The following NIN variants were observed in gnomAD, a reference collection of about 807,000 sequenced individuals.
NIN encodes the protein ninein, also known as glycogen synthase kinase 3 beta-interacting protein.
A neutral mutation model predicts 257.6 loss-of-function variants in NIN; 137 were observed. The observed-to-expected ratio is 0.53, with a 90% CI of 0.46 to 0.61. The LOEUF is 0.61. Among genes scored for constraint, NIN ranks in the 20% least tolerant of loss-of-function variants. The pLI is 0.00. For synonymous variants in NIN, 918 were observed against 919.8 expected (o/e 1.00, Z 0.04); for missense variants, 2,439 against 2,501.2 (o/e 0.98, Z 0.53).
Position 50,723,418 on chromosome 14 carries a change from C to T in NIN, c.*45G>A. 6.6e-7 allele frequency: 1 copy of T among 1,507,342 alleles called. No individual in the cohort carries two copies. Among genetic ancestry groups the T allele is most frequent in the Non-Finnish European group, 9.2e-7 (1 of 1,088,046 alleles). The allele number at this position is 1,507,342 out of a possible 1,614,324, so 93.4% of individuals were successfully genotyped here. ...GTTGAGAACCTACTGAAATGTTCAT[C>T]TATTTCAGTAAAGTGCACAAATATG... On this transcript the variant is annotated 3_prime_UTR_variant, in exon 31 of 31. Coordinates refer to ENST00000530997, the MANE Select transcript of NIN (RefSeq NM_020921.4).
At position 50,726,012 on chromosome 14, in the gene NIN, G is replaced by T; in HGVS notation, c.6133C>A (p.Gln2045Lys). The T allele has an allele frequency of 1.2e-6, 2 of 1,614,036 alleles. No individual in the cohort carries two copies. Among genetic ancestry groups the T allele is most frequent in the Non-Finnish European group, 1.7e-6 (2 of 1,179,940 alleles). ...AGCCTTTTCACTAGTTTCAGTTTCT[G>T]TTCAACTTCTATCATTCGTTCCTCC... ...VMEERMIEVE[Q>K]KLKLVKRLLQ... The change falls in exon 30 of 31, where the codon CAG (glutamine) becomes AAG (lysine). Residue 2045 changes from glutamine (Q) to lysine (K), a missense_variant. Physicochemically the swap from Gln to Lys is moderately conservative, Grantham distance 53. Coordinates refer to ENST00000530997, the MANE Select transcript of NIN (RefSeq NM_020921.4).
chr14:50,812,746 C>T (rs1172249556), intron 3 of NIN, among the ~76,000 whole-genome samples: 3 of 152,068 alleles, frequency 2.0e-5, no homozygotes, highest in Non-Finnish European at 2.9e-5. Context: ...TAAAGGTCTC[C>T]GAAATTTATT....
chr14:50,767,442 A>C (rs8012283), intron 12 of NIN, among the ~76,000 whole-genome samples: 1 of 152,106 alleles, frequency 6.6e-6, no homozygotes, highest in African/African-American at 2.4e-5. Flanking sequence ...TCAATACATA[A>C]TATTGACAAA....
intron 12 of NIN, among the ~76,000 whole-genome samples, chr14:50,767,965 T>C (rs1353520726): frequency 2.6e-5 from 4 of 151,866 alleles, no homozygotes; most frequent in Admixed American, 6.6e-5. Context: ...TATATTATAA[T>C]AACACATCAA....
chr14:50,829,681 A>T (rs1013211018), intron 2 of NIN, among the ~76,000 whole-genome samples: 2 of 152,238 alleles, frequency 1.3e-5, no homozygotes, highest in African/African-American at 4.8e-5. Flanking sequence ...ATAATATCCA[A>T]GTTGTCTGGA....
chr14:50,761,606 C>T lies in NIN; in HGVS notation c.1896+184G>A, dbSNP rs558410024. On this transcript the variant is annotated intron_variant, in intron 16 of 30. Transcript: ENST00000530997. Reference sequence around the variant, plus strand: ...ATGATTGCCAGGGCTGAAGATATTACATTTTGGAGAAACTCTCCAGAAAAA... The same window carrying T: ...ATGATTGCCAGGGCTGAAGATATTATATTTTGGAGAAACTCTCCAGAAAAA... Among the ~76,000 whole-genome samples, 3 of 152,270 alleles carry T rather than the reference C, an allele frequency of 2.0e-5. No individual in the cohort carries two copies. The South Asian group carries it at 6.2e-4, about 32-fold the overall frequency.
Position 50,760,858 on chromosome 14 carries a change from G to A in NIN, c.1897-499C>T, listed in dbSNP as rs150218942. ...CTAATTTTTTTTTCTTGGTAGAGAC[G>A]GGGTCTCACCATGTTGCCCAGACTG... On this transcript the variant is annotated intron_variant, in intron 16 of 30. Transcript: ENST00000530997. Among the ~76,000 whole-genome samples, 35 of 152,030 alleles carry A rather than the reference G, an allele frequency of 2.3e-4. 1 individual carries two copies. The East Asian group carries it at 5.8e-3, about 25-fold the overall frequency.
chr14:50,768,175 C>T (rs1163577644), intron 12 of NIN, among the ~76,000 whole-genome samples: 1 of 151,088 alleles, frequency 6.6e-6, no homozygotes, highest in Non-Finnish European at 1.5e-5. Context: ...GAACATTTTG[C>T]CAAAAGAATA....
chr14:50,734,572 C>T (rs570613077), intron 28 of NIN, among the ~76,000 whole-genome samples: 1 of 152,188 alleles, frequency 6.6e-6, no homozygotes, highest in African/African-American at 2.4e-5. Flanking sequence ...GAAGGATGTA[C>T]ACATAAGTTT....
intron 5 of NIN, among the ~76,000 whole-genome samples, chr14:50,789,092 C>T (rs1241623440): frequency 6.6e-6 from 1 of 152,162 alleles, no homozygotes; most frequent in Non-Finnish European, 1.5e-5. Context: ...CTCCAGATCC[C>T]CATCTTATTA....
At chr14:50,812,330 C>T (rs1441233112) in intron 3 of NIN, among the ~76,000 whole-genome samples, 1 of 152,206 alleles carries the variant, frequency 6.6e-6, no homozygotes, top group African/African-American at 2.4e-5. Flanking sequence ...CATCAGAGCC[C>T]AGCAAGCCTG....
chr14:50,801,868 G>C (rs146500891), intron 4 of NIN, among the ~76,000 whole-genome samples: 1 of 152,150 alleles, frequency 6.6e-6, no homozygotes, highest in Non-Finnish European at 1.5e-5. Context: ...TTTTCCCCAT[G>C]AATAAACAAA....
chr14:50,746,542 A>T (rs192834018), intron 22 of NIN, among the ~76,000 whole-genome samples: 78 of 152,318 alleles, frequency 5.1e-4, no homozygotes, highest in African/African-American at 1.7e-3. Flanking sequence ...ATAATACCAG[A>T]TTTATAGACT....
chr14:50,821,969 GC>G lies in NIN; in HGVS notation c.87del (p.Gln30ArgfsTer11). 6.2e-7 allele frequency: 1 copy of G among 1,614,116 alleles called. No individual in the cohort carries two copies. Among genetic ancestry groups the G allele is most frequent in the Non-Finnish European group, 8.5e-7 (1 of 1,180,000 alleles). ...SFDTTGTGSLGQEELTDLCHM... is the reference protein window; with the variant it reads ...SFDTTGTGSLXQEELTDLCHM... ...TGGCAAAGGTCGGTGAGTTCCTCCTGCCCCAGGGACCCTGTGCCCGTCGTGT... is the reference window on the plus strand; with the variant it reads ...TGGCAAAGGTCGGTGAGTTCCTCCTGCCCAGGGACCCTGTGCCCGTCGTGT... On this transcript the variant is annotated frameshift_variant, in exon 3 of 31. Coordinates refer to ENST00000530997, the MANE Select transcript of NIN (RefSeq NM_020921.4). LOFTEE classifies it high-confidence loss of function.
intron 5 of NIN, among the ~76,000 whole-genome samples, chr14:50,783,490 T>C (rs1277494642): frequency 6.6e-6 from 1 of 152,128 alleles, no homozygotes; most frequent in Non-Finnish European, 1.5e-5. Context: ...AATGGCTACA[T>C]TTTCATTCCA....
intron 20 of NIN, among the ~76,000 whole-genome samples, chr14:50,753,881 C>CT (rs913830627): frequency 1.9e-4 from 29 of 149,678 alleles, no homozygotes; most frequent in East Asian, 3.9e-4. Context: ...CTTTTGTATT[C>CT]TTTTTTTTTT....
Position 50,735,460 on chromosome 14 carries a change from C to T in NIN, c.5877+56G>A, listed in dbSNP as rs1385295998. ...ATGTCTAGTCTCTCCCAACAAATAC[C>T]TCATTCATGGATTAACATATTCTTC... On this transcript the variant is annotated intron_variant, in intron 28 of 30. Transcript: ENST00000530997. 6 of 1,582,770 alleles carry T rather than the reference C, an allele frequency of 3.8e-6. No homozygotes were observed. The African/African-American group carries it at 6.8e-5, about 18-fold the overall frequency.
intron 21 of NIN, among the ~76,000 whole-genome samples, chr14:50,749,806 C>G (rs1021113042): frequency 6.6e-6 from 1 of 152,142 alleles, no homozygotes; most frequent in Non-Finnish European, 1.5e-5. Flanking sequence ...TCTCCTGCCT[C>G]AGCCTCCTGA....
At chr14:50,759,549 A>T (rs960019148) in intron 17 of NIN, among the ~76,000 whole-genome samples, 1 of 150,504 alleles carries the variant, frequency 6.6e-6, no homozygotes, top group African/African-American at 2.5e-5. Flanking sequence ...GCTGGAGTGC[A>T]GTAGCGCGAT....
Sources: allele counts gnomAD v4.1 joint callset (sites outside exome capture counted in the v4.1 genomes callset), GRCh38; gene constraint gnomAD v4.1.1; transcripts MANE v1.5; gene names NCBI Gene and HGNC (gene_info 2026-07-23, HGNC 2026-07-21).